Variants in RASSF2 observed in about 807,000 individuals in gnomAD.
The protein encoded by RASSF2 is ras association domain-containing protein 2.
Under a neutral mutation model 46.3 loss-of-function variants are expected in RASSF2, and 34 were observed. The observed-to-expected ratio is 0.73, with a 90% CI of 0.56 to 0.98. The LOEUF is 0.98. Ranked by LOEUF, RASSF2 falls within the 50% of genes least tolerant of loss-of-function variation. RASSF2 has a pLI of 0.00. For synonymous variants in RASSF2, 158 were observed against 162.5 expected, an observed-to-expected ratio of 0.97 and a Z score of 0.21; for missense variants, 364 against 431.2, an observed-to-expected ratio of 0.84 and a Z score of 1.38.
intron 2 of RASSF2, 38 bp from the exon 3 acceptor site, chr20:4,801,100 T>C (rs752288339): frequency 6.4e-7 from 1 of 1,551,318 alleles, no homozygotes; most frequent in Non-Finnish European, 8.9e-7. Flanking sequence ...TAAAGTCAAG[T>C]TGTGTGCTTG....
chr20:4,784,092 T>A lies in RASSF2; in HGVS notation c.*181A>T. On this transcript the variant is annotated 3_prime_UTR_variant, in exon 12 of 12. Coordinates refer to ENST00000379400, the MANE Select transcript of RASSF2 (RefSeq NM_014737.3). ...TGAGCAGAAAAAAGGAGGGCAGGGG[T>A]CCAGGGATAGGGAGCTGTCTGCTGA... 1.6e-6 allele frequency: 1 copy of A among 631,118 alleles called. No individual in the cohort carries two copies. Among genetic ancestry groups the A allele is most frequent in the Non-Finnish European group, 2.8e-6 (1 of 354,540 alleles). 39.1% of individuals were successfully genotyped at this position (631,118 alleles called of 1,614,324 possible).
At chr20:4,794,039 G>T (rs2423000) in intron 5 of RASSF2, among the ~76,000 whole-genome samples, 43,981 of 152,064 alleles carry the variant, frequency 0.29, 6,794 homozygotes, top group African/African-American at 0.39. Flanking sequence ...TCAGGGTCAG[G>T]CTGTGAAATG....
At chr20:4,799,504 C>T (rs1050346701) in intron 3 of RASSF2, among the ~76,000 whole-genome samples, 8 of 152,184 alleles carry the variant, frequency 5.3e-5, no homozygotes, top group African/African-American at 9.7e-5. Flanking sequence ...TTTTGGACCA[C>T]GCCAGGAGTC....
rs1312067780 is a variant in RASSF2 at position 4,795,024 on chromosome 20, A to C, written c.287+791T>G. ...CTGTGGTTTTGGCTGAGAGGCGAGC[A>C]CACTCCACCCAGGCTGGGGCCGAAG... On this transcript the variant is annotated intron_variant, in intron 5 of 11. Transcript: ENST00000379400. This position sits in a 1 kb window ranked among gnomAD's most constrained non-coding sequence, Gnocchi z 4.0. Among the ~76,000 whole-genome samples, 2 of 152,228 alleles carry C rather than the reference A, an allele frequency of 1.3e-5. No individual in the cohort carries two copies. Among genetic ancestry groups the C allele is most frequent in the African/African-American group, 4.8e-5 (2 of 41,454 alleles).
rs769795939 is a variant in RASSF2, at chr20:4,786,323, G to T, written c.819C>A (p.Ala273=). Residue 273 remains alanine, a synonymous_variant, in exon 11 of 12, where the codon GCC becomes GCA. Transcript: ENST00000379400. ...DQVEEVTYDV[A]QYIKFEMPVL... is the part of the protein sequence containing the mutation. ...CCGGCATCTCGAACTTTATATACTG[G>T]GCCACCTAGAGAGAAAGAAGCAAGT... The T allele has an allele frequency of 1.2e-6, 2 of 1,603,174 alleles. No homozygotes were observed. Among genetic ancestry groups the T allele is most frequent in the Admixed American group, 3.3e-5 (2 of 59,974 alleles).
At chr20:4,794,168 T>C (rs887955676) in intron 5 of RASSF2, among the ~76,000 whole-genome samples, 2 of 152,182 alleles carry the variant, frequency 1.3e-5, no homozygotes, top group South Asian at 2.1e-4. Context: ...CTCACACCTG[T>C]AATCCCAGCA....
intron 3 of RASSF2, among the ~76,000 whole-genome samples, chr20:4,798,532 A>G (rs1371530769): frequency 6.6e-6 from 1 of 152,044 alleles, no homozygotes; most frequent in African/African-American, 2.4e-5. Flanking sequence ...CCTTCACAAG[A>G]CTCAGAAGCT....
intron 6 of RASSF2, among the ~76,000 whole-genome samples, chr20:4,791,595 C>T (rs192240498): frequency 2.0e-4 from 30 of 152,120 alleles, no homozygotes; most frequent in South Asian, 8.3e-4. Flanking sequence ...ATTTAATCCA[C>T]GTAATATAAA....
chr20:4,818,221 C>T (rs984960383), intron 2 of RASSF2, among the ~76,000 whole-genome samples: 5 of 151,760 alleles, frequency 3.3e-5, no homozygotes, highest in African/African-American at 9.7e-5. Context: ...GAGCCAAGAT[C>T]GTGCCACTGC....
Position 4,795,776 on chromosome 20 carries a change from C to G in RASSF2, c.287+39G>C. The G allele has an allele frequency of 6.3e-7, 1 of 1,582,508 alleles. No homozygotes were observed. Among genetic ancestry groups the G allele is most frequent in the Non-Finnish European group, 8.6e-7 (1 of 1,162,340 alleles). On this transcript the variant is annotated intron_variant, in intron 5 of 11. Transcript: ENST00000379400. This position sits in a 1 kb window ranked among gnomAD's most constrained non-coding sequence, Gnocchi z 4.0. ...CTTGAGAACACATAGAACACCCAAG[C>G]ATCCCAGTCATCTCCCTGCCCCGTC...
chr20:4,803,111 A>T (rs1327786568), intron 2 of RASSF2, among the ~76,000 whole-genome samples: 1 of 151,816 alleles, frequency 6.6e-6, no homozygotes, highest in Non-Finnish European at 1.5e-5. Context: ...GGGTTTTGCC[A>T]TGTTGCCCAG....
rs965403937 is a variant in RASSF2 at position 4,790,330 on chromosome 20, A to C, written c.537+121T>G. 3.4e-6 allele frequency: 4 copies of C among 1,179,194 alleles called. No homozygotes were observed. The East Asian group carries it at 9.3e-5, about 27-fold the overall frequency. The allele number at this position is 1,179,194 out of a possible 1,614,324, so 73.0% of individuals were successfully genotyped here. ...GCAGCCCACCCACAACCCAAAGACT[A>C]AACAGCAGCAAACACTTGGCTTCCC... On this transcript the variant is annotated intron_variant, in intron 7 of 11. Coordinates refer to ENST00000379400, the MANE Select transcript of RASSF2 (RefSeq NM_014737.3). This position sits in a 1 kb window ranked among gnomAD's most constrained non-coding sequence, Gnocchi z 4.3.
chr20:4,822,769 C>T (rs1339958291), intron 1 of RASSF2, among the ~76,000 whole-genome samples: 3 of 152,210 alleles, frequency 2.0e-5, no homozygotes, highest in African/African-American at 7.2e-5. Context: ...GCACCCTGCG[C>T]CCCTCTGAAG....
rs1222808575 is a variant in RASSF2, at chr20:4,780,378, T to A, written c.*3895A>T. On this transcript the variant is annotated 3_prime_UTR_variant, in exon 12 of 12. Transcript: ENST00000379400. ...CACAGCTTGTGCATCTTGTGCTCAG[T>A]TAAATACAGTTAAAACACAAGGGGC... 1 of 152,142 alleles carries A rather than the reference T, an allele frequency of 6.6e-6. No homozygotes were observed. Among genetic ancestry groups the A allele is most frequent in the Non-Finnish European group, 1.5e-5 (1 of 68,030 alleles). 9.4% of individuals were successfully genotyped at this position (152,142 alleles called of 1,614,324 possible). A position where few individuals can be genotyped will look rare whatever the true frequency, so the allele number is the denominator to read the frequency against.
rs569612741 is a variant in RASSF2, at chr20:4,790,375, C to T, written c.537+76G>A. Reference sequence around the variant, plus strand: ...CTTCCCAGGCATCCACACCACCCACCATATGGCTGTAGCCCTGAGGTGGCA... The same window carrying T: ...CTTCCCAGGCATCCACACCACCCACTATATGGCTGTAGCCCTGAGGTGGCA... On this transcript the variant is annotated intron_variant, in intron 7 of 11. Coordinates refer to ENST00000379400, the MANE Select transcript of RASSF2 (RefSeq NM_014737.3). This position sits in a 1 kb window ranked among gnomAD's most constrained non-coding sequence, Gnocchi z 4.3. 1.5e-6 allele frequency: 2 copies of T among 1,371,012 alleles called. No individual in the cohort carries two copies. Among genetic ancestry groups the T allele is most frequent in the East Asian group, 5.6e-5 (2 of 35,744 alleles). 84.9% of individuals were successfully genotyped at this position (1,371,012 alleles called of 1,614,324 possible).
At chr20:4,788,776 T>G (rs1223412525) in intron 8 of RASSF2, among the ~76,000 whole-genome samples, 1 of 152,232 alleles carries the variant, frequency 6.6e-6, no homozygotes, top group East Asian at 1.9e-4. Context: ...TTGACCAAAT[T>G]GGTCATTCTG....
At chr20:4,799,476 A>G (rs1926683683) in intron 3 of RASSF2, among the ~76,000 whole-genome samples, 1 of 152,254 alleles carries the variant, frequency 6.6e-6, no homozygotes. Context: ...CTCTGAACCC[A>G]GCCATTCAGT....
intron 10 of RASSF2, among the ~76,000 whole-genome samples, chr20:4,786,975 C>T (rs1474619069): frequency 6.6e-6 from 1 of 151,480 alleles, no homozygotes; most frequent in Non-Finnish European, 1.5e-5. Context: ...CCCAGCTACG[C>T]AGGGGTCTGA....
intron 2 of RASSF2, among the ~76,000 whole-genome samples, chr20:4,803,419 A>G (rs1275073353): frequency 6.6e-6 from 1 of 152,156 alleles, no homozygotes; most frequent in Non-Finnish European, 1.5e-5. Flanking sequence ...TAGCTCAGTG[A>G]GATTCGTGTC....
Sources: gnomAD v4.1 joint callset for allele counts (sites outside exome capture counted in the v4.1 genomes callset) on GRCh38, gnomAD v4.1.1 for gene constraint, Gnocchi (gnomAD v3.1) non-coding constraint, MANE v1.5 for transcripts, NCBI Gene and HGNC (gene_info 2026-07-23, HGNC 2026-07-21) for gene names.